Variants in ARHGEF10 observed in about 807,000 individuals in gnomAD.
The protein encoded by ARHGEF10 is Rho guanine nucleotide exchange factor (GEF) 10.
ARHGEF10 carries 140 observed loss-of-function variants against 147.4 expected under a neutral mutation model. That is an observed-to-expected ratio of 0.95 (90% CI 0.83 to 1.09). The LOEUF is 1.09. Ranked by LOEUF, ARHGEF10 falls within the 50% of genes least tolerant of loss-of-function variation. The pLI is 0.00. For synonymous variants in ARHGEF10, 902 were observed against 695.8 expected, an observed-to-expected ratio of 1.30 and a Z score of -4.67; for missense variants, 2,222 against 1,752.7, an observed-to-expected ratio of 1.27 and a Z score of -4.78.
In ARHGEF10 at chr8:1,903,236, G is replaced by A. The variant is rs752011912; in HGVS notation, c.1651-45G>A. On this transcript the variant is annotated intron_variant, in intron 15 of 28. Transcript: ENST00000349830. ...GGTGACGCGACTGTTGTTGCACTGGGAGTGTCCACGTGGTAACTGCCCACC... is the reference window on the plus strand; with the variant it reads ...GGTGACGCGACTGTTGTTGCACTGGAAGTGTCCACGTGGTAACTGCCCACC... The A allele has an allele frequency of 5.0e-6, 8 of 1,610,468 alleles. 1 individual carries two copies. In the South Asian group the frequency reaches 8.8e-5, roughly 18 times the overall value.
At chr8:1,840,857 C>A (rs188781756) in intron 1 of ARHGEF10, among the ~76,000 whole-genome samples, 3 of 152,126 alleles carry the variant, frequency 2.0e-5, no homozygotes, top group Non-Finnish European at 4.4e-5. Flanking sequence ...TCCCGCCTCA[C>A]GGGTGCTGCT....
At chr8:1,890,271 G>C (rs1809382855) in intron 11 of ARHGEF10, among the ~76,000 whole-genome samples, 1 of 149,844 alleles carries the variant, frequency 6.7e-6, no homozygotes, top group Non-Finnish European at 1.5e-5. Context: ...ATTGTGAGGA[G>C]ACATTGAGTG....
At chr8:1,859,828 G>A (rs948212046) in intron 3 of ARHGEF10, 69 bp from the exon 4 acceptor site, 38 of 1,586,868 alleles carry the variant, frequency 2.4e-5, no homozygotes, top group Middle Eastern at 3.5e-4. Context: ...TCCCACTTGC[G>A]CTCCAGGAGG....
At chr8:1,908,431 A>G (rs1811083615) in intron 17 of ARHGEF10, among the ~76,000 whole-genome samples, 1 of 151,884 alleles carries the variant, frequency 6.6e-6, no homozygotes, top group African/African-American at 2.4e-5. Context: ...ATGGGGTGTC[A>G]CTGTGTTAGC....
At position 1,896,289 on chromosome 8, in the gene ARHGEF10, T is replaced by C. The variant is rs764576447; in HGVS notation, c.1441-44T>C. The C allele has an allele frequency of 1.2e-5, 16 of 1,358,760 alleles. No individual in the cohort carries two copies. The East Asian group carries it at 2.7e-4, about 23-fold the overall frequency. The allele number at this position is 1,358,760 out of a possible 1,614,324, so 84.2% of individuals were successfully genotyped here. Reference sequence around the variant, plus strand: ...TCTGTTTTATGTTGGAAAAGGGATATCTGGACTCTGTGATTTCTCTCTGAA... The same window carrying C: ...TCTGTTTTATGTTGGAAAAGGGATACCTGGACTCTGTGATTTCTCTCTGAA... On this transcript the variant is annotated intron_variant, in intron 13 of 28. Transcript: ENST00000349830.
chr8:1,935,828 G>T (rs770294757), intron 26 of ARHGEF10, among the ~76,000 whole-genome samples: 2 of 152,222 alleles, frequency 1.3e-5, no homozygotes, highest in Admixed American at 6.5e-5. Flanking sequence ...CTCAGGCAGC[G>T]GGAGGAGGCC....
At chr8:1,901,336 G>C (rs1319004269) in intron 15 of ARHGEF10, among the ~76,000 whole-genome samples, 1 of 152,108 alleles carries the variant, frequency 6.6e-6, no homozygotes, top group Non-Finnish European at 1.5e-5. Flanking sequence ...CTGCTCTCCG[G>C]TCTTGCCTGC....
intron 2 of ARHGEF10, among the ~76,000 whole-genome samples, chr8:1,849,531 G>C (rs1585255969): frequency 3.4e-5 from 5 of 145,738 alleles, no homozygotes; most frequent in African/African-American, 1.3e-4. Context: ...TGAGGAGGGC[G>C]TGGGGCGGCC....
At chr8:1,877,947 C>T (rs573008757) in intron 8 of ARHGEF10, among the ~76,000 whole-genome samples, 13 of 151,988 alleles carry the variant, frequency 8.6e-5, no homozygotes, top group African/African-American at 1.2e-4. Context: ...CCCCAGTAAG[C>T]GGAGATTTCA....
At position 1,909,967 on chromosome 8, in the gene ARHGEF10, G is replaced by A. The variant is rs557692113; in HGVS notation, c.2143+497G>A. Among the ~76,000 whole-genome samples the A allele has an allele frequency of 9.2e-5, 14 of 152,302 alleles. No homozygotes were observed. In the South Asian group the frequency reaches 2.7e-3, roughly 29 times the overall value. ...TGTCCATGAACTTCCCAAGGTGAAA[G>A]GAGAGGAGTCAGAATGCTTTGGCAA... On this transcript the variant is annotated intron_variant, in intron 18 of 28. Transcript: ENST00000349830.
rs1367826162 is a variant in ARHGEF10 at position 1,853,375 on chromosome 8, C to T, written c.38-4585C>T. On this transcript the variant is annotated intron_variant, in intron 2 of 28. Coordinates refer to ENST00000349830, the MANE Select transcript of ARHGEF10 (RefSeq NM_014629.4). ...GGGCCATGGTGTGTCCAGCGAATGA[C>T]GGCTACACTGCAGATTCCCCAACAG... Among the ~76,000 whole-genome samples, 11 of 152,366 alleles carry T rather than the reference C, an allele frequency of 7.2e-5. No individual in the cohort carries two copies. The East Asian group carries it at 1.5e-3, about 21-fold the overall frequency.
chr8:1,865,544 C>G (rs747932961), intron 5 of ARHGEF10, among the ~76,000 whole-genome samples: 46 of 152,106 alleles, frequency 3.0e-4, no homozygotes, highest in Non-Finnish European at 6.3e-4. Context: ...CAGGGCGTCC[C>G]CCGGCACCCA....
intron 1 of ARHGEF10, among the ~76,000 whole-genome samples, chr8:1,833,616 C>T (rs370914197): frequency 1.3e-5 from 2 of 152,234 alleles, no homozygotes; most frequent in Admixed American, 6.5e-5. Context: ...ACCATGCTCT[C>T]TGGTCTCTTC....
At chr8:1,933,757 A>G in intron 25 of ARHGEF10, 43 bp from the exon 26 acceptor site, 1 of 1,613,390 alleles carries the variant, frequency 6.2e-7, no homozygotes. Flanking sequence ...ATTCCTGTGC[A>G]CAGAAAACTG....
chr8:1,893,597 T>C lies in ARHGEF10; in HGVS notation c.1211T>C (p.Val404Ala). 6.2e-7 allele frequency: 1 copy of C among 1,613,810 alleles called. No individual in the cohort carries two copies. Among genetic ancestry groups the C allele is most frequent in the Non-Finnish European group, 8.5e-7 (1 of 1,179,798 alleles). Residue 404 changes from valine to alanine, a missense_variant, in exon 12 of 29, where the codon GTT becomes GCT. Physicochemically the swap from Val to Ala is moderately conservative, Grantham distance 64 (BLOSUM62 0). Coordinates refer to ENST00000349830, the MANE Select transcript of ARHGEF10 (RefSeq NM_014629.4). ...QVVRRYILGS[V>A]VDSEKNYVDA... ...GTAAGAAGATATATACTGGGTTCAG[T>C]TGTCGACAGTGAAAAGAACTACGTA...
At chr8:1,931,602 G>A (rs556848897) in intron 25 of ARHGEF10, among the ~76,000 whole-genome samples, 51 of 152,372 alleles carry the variant, frequency 3.3e-4, no homozygotes, top group African/African-American at 1.2e-3. Context: ...CTGCCACTTC[G>A]TTCTTGGTGG....
rs909771045 is a variant in ARHGEF10, at chr8:1,937,048, G to A, written c.3222+3106G>A. 5.3e-5 allele frequency among the ~76,000 whole-genome samples: 8 copies of A among 152,328 alleles called. No individual in the cohort carries two copies. Among genetic ancestry groups the A allele is most frequent in the African/African-American group, 1.9e-4 (8 of 41,574 alleles). On this transcript the variant is annotated intron_variant, in intron 26 of 28. Coordinates refer to ENST00000349830, the MANE Select transcript of ARHGEF10 (RefSeq NM_014629.4). This position sits in a 1 kb window ranked among gnomAD's most constrained non-coding sequence, Gnocchi z 4.9. Reference sequence around the variant, plus strand: ...CGTGGATCATGAATAGCATTCCCGCGTGAGTCTTTTTTTGACACAGCCTCC... The same window carrying A: ...CGTGGATCATGAATAGCATTCCCGCATGAGTCTTTTTTTGACACAGCCTCC...
Position 1,860,110 on chromosome 8 carries a change from C to A in ARHGEF10, c.407C>A (p.Pro136His), listed in dbSNP as rs779851603. 10 of 1,613,978 alleles carry A rather than the reference C, an allele frequency of 6.2e-6. No homozygotes were observed. Among genetic ancestry groups the A allele is most frequent in the Non-Finnish European group, 8.5e-6 (10 of 1,180,014 alleles). Residue 136 changes from proline to histidine, a missense_variant, in exon 4 of 29, where the codon CCC (proline) becomes CAC (histidine). Physicochemically the swap from Pro to His is moderately conservative, Grantham distance 77. Transcript: ENST00000349830. ...LVPVPCGYAV[P>H]SNLPLLLPAY... ...CCTGTACCCTGCGGCTATGCGGTGC[C>A]CTCCAACCTGCCCCTCCTGCTGCCC...
At chr8:1,935,621 A>C (rs1029439467) in intron 26 of ARHGEF10, among the ~76,000 whole-genome samples, 8 of 152,206 alleles carry the variant, frequency 5.3e-5, no homozygotes, top group African/African-American at 1.7e-4. Context: ...GTTACCAGTT[A>C]GCACTGGGGC....
Sources: allele counts gnomAD v4.1 joint callset (sites outside exome capture counted in the v4.1 genomes callset), GRCh38; gene constraint gnomAD v4.1.1; non-coding constraint Gnocchi (gnomAD v3.1); transcripts MANE v1.5; gene names NCBI Gene and HGNC (gene_info 2026-07-23, HGNC 2026-07-21).